The following CYP7B1 variants were observed in gnomAD, a reference collection of about 807,000 sequenced individuals.
CYP7B1 encodes the protein cytochrome P450 7B1.
A neutral mutation model predicts 42.7 loss-of-function variants in CYP7B1; 29 were observed. The observed-to-expected ratio is 0.68, with a 90% CI of 0.51 to 0.93. CYP7B1 has a LOEUF of 0.93. Among genes scored for constraint, CYP7B1 ranks in the 40% least tolerant of loss-of-function variants. The pLI is 0.00. For missense variants in CYP7B1, 655 were observed against 600.5 expected, an observed-to-expected ratio of 1.09 and a Z score of -0.95; for synonymous variants, 235 against 218.2, an observed-to-expected ratio of 1.08 and a Z score of -0.68.
intron 1 of CYP7B1, among the ~76,000 whole-genome samples, chr8:64,680,523 G>A (rs1038937900): frequency 6.6e-6 from 1 of 150,542 alleles, no homozygotes; most frequent in Non-Finnish European, 1.5e-5. Flanking sequence ...CTGAGGCATT[G>A]TTTCATTTAG....
At chr8:64,759,771 T>C (rs1035464924) in intron 1 of CYP7B1, among the ~76,000 whole-genome samples, 3 of 152,176 alleles carry the variant, frequency 2.0e-5, no homozygotes, top group East Asian at 3.8e-4. Flanking sequence ...GAGAAAGATA[T>C]TGCTGCTTGA....
chr8:64,632,987 T>C lies in CYP7B1; in HGVS notation c.123-8448A>G, dbSNP rs1481108963. 2.0e-5 allele frequency among the ~76,000 whole-genome samples: 3 copies of C among 152,270 alleles called. No individual in the cohort carries two copies. In the East Asian group the frequency reaches 5.8e-4, roughly 29 times the overall value. On this transcript the variant is annotated intron_variant, in intron 1 of 5. Coordinates refer to ENST00000310193, the MANE Select transcript of CYP7B1 (RefSeq NM_004820.5). ...TATTAAATAGTTTTACAAAAGGGAC[T>C]AGGTTTTAAACCAGAAGTGACCAGA...
chr8:64,684,424 T>C (rs1461160961), intron 1 of CYP7B1, among the ~76,000 whole-genome samples: 1 of 152,248 alleles, frequency 6.6e-6, no homozygotes, highest in African/African-American at 2.4e-5. Context: ...ATTTTTAAAG[T>C]GCTTAAACAA....
chr8:64,702,362 G>A (rs1352987119), intron 1 of CYP7B1, among the ~76,000 whole-genome samples: 1 of 152,036 alleles, frequency 6.6e-6, no homozygotes, highest in African/African-American at 2.4e-5. Flanking sequence ...GGCTGGCAGC[G>A]TATCACAACC....
At chr8:64,650,073 G>GT (rs984392543) in intron 1 of CYP7B1, among the ~76,000 whole-genome samples, 2 of 151,952 alleles carry the variant, frequency 1.3e-5, no homozygotes, top group East Asian at 1.9e-4. Flanking sequence ...ATAGTTGTCT[G>GT]TTTTTTTATT....
chr8:64,798,417 G>A, intron 1 of CYP7B1, 49 bp downstream of exon 1: 2 of 1,449,434 alleles, frequency 1.4e-6, no homozygotes, highest in Non-Finnish European at 1.8e-6. Flanking sequence ...GTCGCGCGCG[G>A]CCCGCGGGGC....
At chr8:64,625,191 C>G (rs2129630457) in intron 1 of CYP7B1, among the ~76,000 whole-genome samples, 1 of 151,968 alleles carries the variant, frequency 6.6e-6, no homozygotes, top group Non-Finnish European at 1.5e-5. Flanking sequence ...GCCAGGATGG[C>G]CTTGATCTCC....
chr8:64,614,729 C>T (rs1805408320), intron 4 of CYP7B1, among the ~76,000 whole-genome samples: 1 of 152,144 alleles, frequency 6.6e-6, no homozygotes, highest in Admixed American at 6.6e-5. Context: ...AGCATTAGCA[C>T]ATCAACAGAT....
At chr8:64,788,171 T>C (rs1219756936) in intron 1 of CYP7B1, among the ~76,000 whole-genome samples, 1 of 152,200 alleles carries the variant, frequency 6.6e-6, no homozygotes, top group Non-Finnish European at 1.5e-5. Context: ...ATGTAAAGCA[T>C]GAACTTTAGT....
At chr8:64,588,658 TGAGA>T (rs1476957620), downstream of CYP7B1, among the ~76,000 whole-genome samples, 1 of 152,260 alleles carries the variant, frequency 6.6e-6, no homozygotes, top group East Asian at 1.9e-4. Context: ...TCTCTGATTA[TGAGA>T]GAGACTCAGT....
chr8:64,710,882 A>G (rs1283709473), intron 1 of CYP7B1, among the ~76,000 whole-genome samples: 1 of 151,896 alleles, frequency 6.6e-6, no homozygotes, highest in East Asian at 1.9e-4. Flanking sequence ...AATACATAAA[A>G]TATTCAAGCA....
At chr8:64,630,543 C>T (rs1351566244) in intron 1 of CYP7B1, among the ~76,000 whole-genome samples, 1 of 152,212 alleles carries the variant, frequency 6.6e-6, no homozygotes, top group African/African-American at 2.4e-5. Flanking sequence ...TTTGCTTACT[C>T]ATTCTCTGCC....
intron 1 of CYP7B1, among the ~76,000 whole-genome samples, chr8:64,797,753 G>C (rs1167514990): frequency 6.6e-6 from 1 of 152,178 alleles, no homozygotes; most frequent in Non-Finnish European, 1.5e-5. Flanking sequence ...CACCAGAGCA[G>C]TATGAAAATA....
rs1019716789 is a variant in CYP7B1, at chr8:64,726,849, C to T, written c.122+71617G>A. 2.6e-5 allele frequency among the ~76,000 whole-genome samples: 4 copies of T among 152,120 alleles called. No homozygotes were observed. The East Asian group carries it at 5.8e-4, about 22-fold the overall frequency. The stretch of plus-strand genomic sequence containing the variant: ...CCCACCCCGATTTTGTGGTCTGGTG[C>T]TTTCAGTCCCCCACCCCCAATTCCT... On this transcript the variant is annotated intron_variant, in intron 1 of 5. Coordinates refer to ENST00000310193, the MANE Select transcript of CYP7B1 (RefSeq NM_004820.5).
intron 1 of CYP7B1, among the ~76,000 whole-genome samples, chr8:64,751,098 T>C (rs1052221387): frequency 1.3e-5 from 2 of 152,212 alleles, no homozygotes; most frequent in African/African-American, 4.8e-5. Flanking sequence ...CCTGTGACAA[T>C]ATTCTAAATT....
chr8:64,591,685 T>G lies in CYP7B1; in HGVS notation c.*4957A>C, dbSNP rs1805034974. Among the ~76,000 whole-genome samples the G allele has an allele frequency of 6.6e-6, 1 of 152,170 alleles. No homozygotes were observed. The highest frequency in any genetic ancestry group is 6.5e-5 in the Admixed American group (1 of 15,280). On this transcript the variant is annotated 3_prime_UTR_variant, in exon 6 of 6. Transcript: ENST00000310193. ...AAAATGGAGATGAAGTAAGGAAGTATGCCAGGAAAGCCAAAACAAGGCAGA... is the reference window on the plus strand; with the variant it reads ...AAAATGGAGATGAAGTAAGGAAGTAGGCCAGGAAAGCCAAAACAAGGCAGA...
At chr8:64,613,113 G>A (rs563957317) in intron 4 of CYP7B1, among the ~76,000 whole-genome samples, 1 of 152,260 alleles carries the variant, frequency 6.6e-6, no homozygotes, top group East Asian at 1.9e-4. Flanking sequence ...AACCAAGGTC[G>A]TGATGAACCA....
rs888301769 is a variant in CYP7B1, at chr8:64,598,258, T to G, written c.1234-1329A>C. Among the ~76,000 whole-genome samples the G allele has an allele frequency of 4.2e-4, 64 of 152,238 alleles. 1 individual carries two copies. Among genetic ancestry groups the G allele is most frequent in the Admixed American group, 4.2e-3 (64 of 15,290 alleles). ...CACGTATTTTACCATAGTTCTGGGA[T>G]GTATCCAAACGGTATTTAATCAATG... is the stretch of plus-strand genomic sequence containing the variant. On this transcript the variant is annotated intron_variant, in intron 5 of 5. Transcript: ENST00000310193.
intron 1 of CYP7B1, among the ~76,000 whole-genome samples, chr8:64,755,153 C>T (rs1807788436): frequency 6.6e-6 from 1 of 152,070 alleles, no homozygotes; most frequent in Non-Finnish European, 1.5e-5. Flanking sequence ...AGGCTGACTG[C>T]CAGGTGTGTG....
Sources: gnomAD v4.1 joint callset for allele counts (sites outside exome capture counted in the v4.1 genomes callset) on GRCh38, gnomAD v4.1.1 for gene constraint, MANE v1.5 for transcripts, NCBI Gene and HGNC (gene_info 2026-07-23, HGNC 2026-07-21) for gene names.